The following TEDC2 variants were observed in gnomAD, a reference collection of about 807,000 sequenced individuals.
The protein encoded by TEDC2 is tubulin epsilon and delta complex 2.
In TEDC2, 49 loss-of-function variants were observed where a neutral mutation model predicts 48.1. That is an observed-to-expected ratio of 1.02 (90% CI 0.81 to 1.29). TEDC2 has a LOEUF of 1.29. Ranked by LOEUF, TEDC2 falls within the 50% of genes most tolerant of loss-of-function variation. The pLI, the probability that TEDC2 is intolerant of heterozygous loss-of-function variation, is 0.00. For synonymous variants in TEDC2, 299 were observed against 247.1 expected (o/e 1.21, Z -1.97); for missense variants, 631 against 571.4 (o/e 1.10, Z -1.06).
chr16:2,463,471 A>G (rs1316210500), intron 8 of TEDC2, among the ~76,000 whole-genome samples: 1 of 151,596 alleles, frequency 6.6e-6, no homozygotes, highest in Non-Finnish European at 1.5e-5. Flanking sequence ...TACTAAAAAT[A>G]CAAAAATTAA....
At position 2,462,509 on chromosome 16, in the gene TEDC2, G is replaced by T. The variant is rs1046130282; in HGVS notation, c.845G>T (p.Arg282Met). The change falls in exon 7 of 10, where the codon AGG becomes ATG. Residue 282 changes from arginine to methionine, a missense_variant. Physicochemically the swap from Arg to Met is moderately conservative, Grantham distance 91. Coordinates refer to ENST00000361837, the MANE Select transcript of TEDC2 (RefSeq NM_025108.3). ...TGCTCGCTGCTGAGACTGCGCATGA[G>T]GGAGGAGCTCTCGGCAGGTCAGTGG... ...KACSLLRLRM[R>M]EELSAAPMDW... 15 of 1,605,184 alleles carry T rather than the reference G, an allele frequency of 9.3e-6. No individual in the cohort carries two copies. The highest frequency in any genetic ancestry group is 1.0e-5 in the Non-Finnish European group (12 of 1,176,248).
intron 8 of TEDC2, 50 bp from the exon 9 acceptor site, chr16:2,463,989 G>C (rs1368116239): frequency 1.3e-6 from 2 of 1,566,868 alleles, no homozygotes; most frequent in South Asian, 2.3e-5. Context: ...GAAAAGCGGG[G>C]CCCTGGGTTC....
At chr16:2,460,249 G>A in intron 1 of TEDC2, 34 bp from the exon 2 acceptor site, 1 of 1,501,930 alleles carries the variant, frequency 6.7e-7, no homozygotes, top group Non-Finnish European at 8.8e-7. Context: ...GCCCGACGCT[G>A]GCCGAGGTGC....
rs202112648 is a variant in TEDC2 at position 2,460,684 on chromosome 16, C to T, written c.187C>T (p.Pro63Ser). 27 of 1,613,074 alleles carry T rather than the reference C, an allele frequency of 1.7e-5. No individual in the cohort carries two copies. The Admixed American group carries it at 2.3e-4, about 14-fold the overall frequency. The stretch of plus-strand genomic sequence containing the variant: ...AGGGCCAGAAACTAATGGAGAGGAC[C>T]CCCTTCCAGGTAAACCTCCACCACC... ...PPGPETNGED[P>S]LPACTPSPQD... Residue 63 changes from proline to serine, a missense_variant, in exon 3 of 10, where the codon CCC becomes TCC. Pro to Ser is a moderately conservative substitution (Grantham distance 74). Coordinates refer to ENST00000361837, the MANE Select transcript of TEDC2 (RefSeq NM_025108.3).
In TEDC2 at chr16:2,460,980, G is replaced by T. The variant is rs368548407; in HGVS notation, c.361G>T (p.Ala121Ser). 3 of 1,613,156 alleles carry T rather than the reference G, an allele frequency of 1.9e-6. No homozygotes were observed. The highest frequency in any genetic ancestry group is 3.3e-5 in the Admixed American group (2 of 59,992). ...IVTSSGTTAS[A>S]PPHSPGQAGG... is the part of the protein sequence containing the mutation. ...CACCTCTTCTGGCACGACAGCCTCC[G>T]CCCCACCGCATTCCCCAGGCCAAGC... Residue 121 changes from alanine to serine, a missense_variant, in exon 4 of 10, where the codon GCC (alanine) becomes TCC (serine). Physicochemically the swap from Ala to Ser is moderately conservative, Grantham distance 99. Transcript: ENST00000361837.
chr16:2,461,116 T>A lies in TEDC2; in HGVS notation c.497T>A (p.Val166Asp). 1.3e-6 allele frequency: 2 copies of A among 1,575,340 alleles called. No homozygotes were observed. The highest frequency in any genetic ancestry group is 1.8e-5 in the Admixed American group (1 of 56,318). Residue 166 changes from valine to aspartate, a missense_variant, in exon 4 of 10, where the codon GTT becomes GAT. Transcript: ENST00000361837. The stretch of plus-strand genomic sequence containing the variant: ...CTGTCAGTGGGGGATGGGACCCGTG[T>A]TGGGATGGGAGCCCGAACCCCCAGG... ...RLLSVGDGTR[V>D]GMGARTPRPG...
chr16:2,462,579 AG>A (rs1459093518), intron 7 of TEDC2, 51 bp from the exon 8 acceptor site: 1 of 1,552,000 alleles, frequency 6.4e-7, no homozygotes, highest in African/African-American at 1.4e-5. Context: ...CAGTGCAGGG[AG>A]GGTTTCCAGA....
At chr16:2,464,398 G>A (rs1212979060) in intron 9 of TEDC2, 124 bp from the exon 10 acceptor site, 6 of 1,330,958 alleles carry the variant, frequency 4.5e-6, no homozygotes, top group Non-Finnish European at 6.1e-6. Flanking sequence ...GGGACGGCAG[G>A]AGGGAGCCTG....
At chr16:2,463,447 C>T (rs1200246848) in intron 8 of TEDC2, among the ~76,000 whole-genome samples, 2 of 151,920 alleles carry the variant, frequency 1.3e-5, no homozygotes, top group South Asian at 2.1e-4. Context: ...GCCGACATGA[C>T]GAAAGCCCAT....
At chr16:2,460,449 G>A in intron 2 of TEDC2, 68 bp downstream of exon 2, 3 of 1,524,476 alleles carry the variant, frequency 2.0e-6, no homozygotes, top group Non-Finnish European at 2.6e-6. Flanking sequence ...CGAGCGCCCA[G>A]GGCTGGGAGA....
chr16:2,460,686 C>T lies in TEDC2; in HGVS notation c.189C>T (p.Pro63=), dbSNP rs751969814. The change falls in exon 3 of 10, where the codon CCC becomes CCT. Residue 63 remains proline (P), a synonymous_variant. Transcript: ENST00000361837. ...GGCCAGAAACTAATGGAGAGGACCC[C>T]CTTCCAGGTAAACCTCCACCACCCG... is the stretch of plus-strand genomic sequence containing the variant. ...PPGPETNGED[P]LPACTPSPQD... 42 of 1,612,984 alleles carry T rather than the reference C, an allele frequency of 2.6e-5. No individual in the cohort carries two copies. The highest frequency in any genetic ancestry group is 4.5e-5 in the East Asian group (2 of 44,880).
chr16:2,461,694 T>C, intron 4 of TEDC2, 53 bp from the exon 5 acceptor site: 1 of 1,606,578 alleles, frequency 6.2e-7, no homozygotes, highest in Non-Finnish European at 8.5e-7. Flanking sequence ...GAAGTGGGAC[T>C]TGTAGACCCC....
chr16:2,463,641 A>G (rs978039090), intron 8 of TEDC2, among the ~76,000 whole-genome samples: 5 of 151,964 alleles, frequency 3.3e-5, no homozygotes, highest in African/African-American at 9.7e-5. Flanking sequence ...AAAAAAAAAA[A>G]AGAGAAAGTA....
At chr16:2,463,950 G>A (rs945556740) in intron 8 of TEDC2, 89 bp from the exon 9 acceptor site, 4 of 1,379,778 alleles carry the variant, frequency 2.9e-6, no homozygotes, top group Non-Finnish European at 4.0e-6. Context: ...AGGGCAGGTG[G>A]TGCAGATGCG....
Position 2,462,714 on chromosome 16 carries a change from CTGCAGGAGCTGCG to C in TEDC2, c.953_964+1del. The C allele has an allele frequency of 1.3e-6, 2 of 1,542,632 alleles. No individual in the cohort carries two copies. The highest frequency in any genetic ancestry group is 1.7e-6 in the Non-Finnish European group (2 of 1,146,292). ...CATGGTGGGCCAGTGTCTGCACAGG[CTGCAGGAGCTGCG>C]TGCAGGTGAGACCCCGCCCCCACCC... On this transcript the variant is annotated frameshift_variant, in exon 8 of 10. Transcript: ENST00000361837. LOFTEE classifies it high-confidence loss of function.
At position 2,464,837 on chromosome 16, in the gene TEDC2, G is replaced by A. The variant is rs2065490754; in HGVS notation, c.*169G>A. 1.0e-6 allele frequency: 1 copy of A among 964,600 alleles called. No homozygotes were observed. 59.8% of individuals were successfully genotyped at this position (964,600 alleles called of 1,614,324 possible). A position where few individuals can be genotyped will look rare whatever the true frequency, so the allele number is the denominator to read the frequency against. ...ACAACTAAGCCTGCTGGTCAGGGCT[G>A]GCTTTCAGCCTTCCTAAGGCTCCTG... On this transcript the variant is annotated 3_prime_UTR_variant, in exon 10 of 10. Coordinates refer to ENST00000361837, the MANE Select transcript of TEDC2 (RefSeq NM_025108.3).
rs1338460913 is a variant in TEDC2, at chr16:2,460,682, AC to A, written c.190del (p.Leu64PhefsTer17). ...CCAGGGCCAGAAACTAATGGAGAGG[AC>A]CCCCTTCCAGGTAAACCTCCACCAC... ...PPPGPETNGE[D>X]PLPACTPSPQ... On this transcript the variant is annotated frameshift_variant, in exon 3 of 10. Transcript: ENST00000361837. LOFTEE classifies it high-confidence loss of function. The A allele has an allele frequency of 6.2e-7, 1 of 1,612,580 alleles. No individual in the cohort carries two copies. Among genetic ancestry groups the A allele is most frequent in the Non-Finnish European group, 8.5e-7 (1 of 1,179,940 alleles).
At chr16:2,464,252 G>A (rs1323922969) in intron 9 of TEDC2, 23 bp downstream of exon 9, 4 of 1,606,158 alleles carry the variant, frequency 2.5e-6, no homozygotes, top group South Asian at 1.1e-5. Flanking sequence ...GAGGAGGTGG[G>A]GGTGCAACAG....
rs1377266638 is a variant in TEDC2, at chr16:2,464,776, G to A, written c.*108G>A. The stretch of plus-strand genomic sequence containing the variant: ...CCTGTGCTTCCCTGGGAAACCTGGT[G>A]AACTGGACCAGGTGGCCTCACTGGC... On this transcript the variant is annotated 3_prime_UTR_variant, in exon 10 of 10. Coordinates refer to ENST00000361837, the MANE Select transcript of TEDC2 (RefSeq NM_025108.3). 1 of 1,451,822 alleles carries A rather than the reference G, an allele frequency of 6.9e-7. No homozygotes were observed. Among genetic ancestry groups the A allele is most frequent in the Non-Finnish European group, 9.4e-7 (1 of 1,067,750 alleles). The allele number at this position is 1,451,822 out of a possible 1,614,324, so 89.9% of individuals were successfully genotyped here. A position where few individuals can be genotyped will look rare whatever the true frequency, so the allele number is the denominator to read the frequency against.
Sources: allele counts gnomAD v4.1 joint callset (sites outside exome capture counted in the v4.1 genomes callset), GRCh38; gene constraint gnomAD v4.1.1; transcripts MANE v1.5; gene names NCBI Gene and HGNC (gene_info 2026-07-23, HGNC 2026-07-21).